PPM1L: variants seen among roughly 807,000 people sequenced by gnomAD.
PPM1L encodes protein phosphatase, Mg2+/Mn2+ dependent 1L.
A neutral mutation model predicts 31.4 loss-of-function variants in PPM1L; 13 were observed. The ratio of observed to expected loss-of-function variants is 0.41; its 90% CI spans 0.27 to 0.66. PPM1L has a LOEUF of 0.66. PPM1L is among the 30% of genes least tolerant of loss of function. The pLI is 0.29. For missense variants in PPM1L, 326 were observed against 453.7 expected (o/e 0.72, Z 2.56); for synonymous variants, 184 against 175.4 (o/e 1.05, Z -0.39).
intron 2 of PPM1L, among the ~76,000 whole-genome samples, chr3:161,030,071 A>T (rs1343218358): frequency 1.3e-5 from 2 of 152,222 alleles, no homozygotes; most frequent in African/African-American, 2.4e-5. Flanking sequence ...TGTCTCAGAC[A>T]AAATTTTACA....
At chr3:161,068,717 T>A in intron 3 of PPM1L, 94 bp from the exon 4 acceptor site, 5 of 1,020,660 alleles carry the variant, frequency 4.9e-6, no homozygotes, top group Non-Finnish European at 7.2e-6. Context: ...CCAGTTCACA[T>A]GAAGTAGGTC....
rs537441139 is a variant in PPM1L at position 160,858,953 on chromosome 3, T to C, written c.399+102246T>C. On this transcript the variant is annotated intron_variant, in intron 1 of 3. Transcript: ENST00000498165. ...GTTCCCTTTTATCCAGGAGTGAGCA[T>C]GTGACCCAGCCTAGGTCAATGAATC... 4.8e-4 allele frequency among the ~76,000 whole-genome samples: 73 copies of C among 152,258 alleles called. 2 individuals are homozygous for C. In the South Asian group the frequency reaches 0.014, roughly 29 times the overall value.
chr3:160,985,246 A>G (rs1716928051), intron 2 of PPM1L, among the ~76,000 whole-genome samples: 1 of 152,130 alleles, frequency 6.6e-6, no homozygotes, highest in Admixed American at 6.6e-5. Flanking sequence ...ATTTTGGTGT[A>G]CCCATCACCC....
intron 1 of PPM1L, among the ~76,000 whole-genome samples, chr3:160,949,625 C>T (rs1715512234): frequency 6.6e-6 from 1 of 152,104 alleles, no homozygotes; most frequent in Non-Finnish European, 1.5e-5. Flanking sequence ...TTAAAGCACC[C>T]ATTCCCCATC....
At chr3:160,821,523 G>A (rs1440652394) in intron 1 of PPM1L, among the ~76,000 whole-genome samples, 2 of 152,010 alleles carry the variant, frequency 1.3e-5, no homozygotes, top group East Asian at 3.9e-4. Flanking sequence ...TAATCCTTAA[G>A]AAATCTTTTT....
chr3:160,871,140 G>T (rs937311369), intron 1 of PPM1L, among the ~76,000 whole-genome samples: 4 of 152,098 alleles, frequency 2.6e-5, no homozygotes, highest in African/African-American at 9.7e-5. Flanking sequence ...AAATGTCAAG[G>T]CTTCAGACTT....
intron 1 of PPM1L, among the ~76,000 whole-genome samples, chr3:160,815,059 GC>G (rs1304199158): frequency 6.6e-6 from 1 of 152,052 alleles, no homozygotes; most frequent in Non-Finnish European, 1.5e-5. Flanking sequence ...AGTGTACACT[GC>G]TCAGTTGCAC....
intron 2 of PPM1L, among the ~76,000 whole-genome samples, chr3:161,014,116 A>T (rs920852532): frequency 6.6e-6 from 1 of 152,150 alleles, no homozygotes; most frequent in Non-Finnish European, 1.5e-5. Flanking sequence ...TCTTCCTAGC[A>T]TCAATGGTCT....
chr3:161,062,635 A>G (rs1374694991), intron 2 of PPM1L, among the ~76,000 whole-genome samples: 1 of 152,184 alleles, frequency 6.6e-6, no homozygotes, highest in Non-Finnish European at 1.5e-5. Flanking sequence ...TTAATCAAAT[A>G]TGGGACTAAA....
chr3:160,853,964 G>A (rs1711599223), intron 1 of PPM1L, among the ~76,000 whole-genome samples: 1 of 152,090 alleles, frequency 6.6e-6, no homozygotes, highest in South Asian at 2.1e-4. Context: ...ACACAAGTAG[G>A]TACTTATATT....
At chr3:160,842,982 A>C (rs543090932) in intron 1 of PPM1L, among the ~76,000 whole-genome samples, 91 of 152,258 alleles carry the variant, frequency 6.0e-4, no homozygotes, top group African/African-American at 2.1e-3. Flanking sequence ...AGAGCCAAGA[A>C]TATTTAGATT....
intron 2 of PPM1L, among the ~76,000 whole-genome samples, chr3:161,051,763 A>C (rs1298812940): frequency 6.6e-6 from 1 of 152,220 alleles, no homozygotes; most frequent in Non-Finnish European, 1.5e-5. Flanking sequence ...AAGTGAGTTT[A>C]TAAGTGACTG....
At chr3:160,900,746 C>T (rs1361128777) in intron 1 of PPM1L, among the ~76,000 whole-genome samples, 1 of 152,036 alleles carries the variant, frequency 6.6e-6, no homozygotes, top group Non-Finnish European at 1.5e-5. Flanking sequence ...TTCTTGCCTG[C>T]TATACACTCC....
At chr3:160,936,483 G>A (rs964579683) in intron 1 of PPM1L, among the ~76,000 whole-genome samples, 3 of 152,174 alleles carry the variant, frequency 2.0e-5, no homozygotes, top group East Asian at 1.9e-4. Context: ...AAGAATGTAT[G>A]CAACAGCTTC....
At chr3:160,762,534 A>T (rs1714995585) in intron 1 of PPM1L, among the ~76,000 whole-genome samples, 1 of 152,210 alleles carries the variant, frequency 6.6e-6, no homozygotes, top group Admixed American at 6.5e-5. Context: ...CTCAGGGAGC[A>T]TTCTGTCTAC....
intron 1 of PPM1L, among the ~76,000 whole-genome samples, chr3:160,847,011 T>C (rs1273019858): frequency 6.6e-6 from 1 of 152,150 alleles, no homozygotes; most frequent in Non-Finnish European, 1.5e-5. Flanking sequence ...AAACTCAAAC[T>C]GAAATTAATG....
chr3:160,826,867 G>A lies in PPM1L; in HGVS notation c.399+70160G>A, dbSNP rs189031260. Among the ~76,000 whole-genome samples the A allele has an allele frequency of 1.5e-3, 235 of 152,168 alleles. 1 individual carries two copies. The highest frequency in any genetic ancestry group is 5.4e-3 in the African/African-American group (226 of 41,528). ...AATTATCAGCTATAAATAGAGATCA[G>A]CTAATTTGATGAAGAGGCTGTAGGT... On this transcript the variant is annotated intron_variant, in intron 1 of 3. Coordinates refer to ENST00000498165, the MANE Select transcript of PPM1L (RefSeq NM_139245.4).
intron 2 of PPM1L, among the ~76,000 whole-genome samples, chr3:161,025,984 A>G (rs1247528945): frequency 1.3e-5 from 2 of 152,180 alleles, no homozygotes; most frequent in East Asian, 3.8e-4. Context: ...TATATTTTAC[A>G]TTTTCTAGTT....
Position 160,930,227 on chromosome 3 carries a change from G to A in PPM1L, c.400-31509G>A, listed in dbSNP as rs77613954. 1.9e-4 allele frequency among the ~76,000 whole-genome samples: 29 copies of A among 152,010 alleles called. No homozygotes were observed. In the East Asian group the frequency reaches 3.9e-3, roughly 20 times the overall value. On this transcript the variant is annotated intron_variant, in intron 1 of 3. Coordinates refer to ENST00000498165, the MANE Select transcript of PPM1L (RefSeq NM_139245.4). ...AGTGGAATTTCATGAACATGTCTTG[G>A]TATCTGTGTTGAAATTTCTAATTTA... is the stretch of plus-strand genomic sequence containing the variant.
Sources: allele counts gnomAD v4.1 joint callset (sites outside exome capture counted in the v4.1 genomes callset), GRCh38; gene constraint gnomAD v4.1.1; transcripts MANE v1.5; gene names NCBI Gene and HGNC (gene_info 2026-07-23, HGNC 2026-07-21).